PRKAR2B: variants seen among roughly 807,000 people sequenced by gnomAD.
PRKAR2B encodes the protein cAMP-dependent protein kinase type II-beta regulatory subunit.
Under a neutral mutation model 49.9 loss-of-function variants are expected in PRKAR2B, and 14 were observed. The observed-to-expected ratio is 0.28, with a 90% CI of 0.19 to 0.44. The LOEUF (loss-of-function observed/expected upper bound fraction) is 0.44, where lower values mean the gene tolerates loss of function less well. Ranked by LOEUF, PRKAR2B falls within the 20% of genes least tolerant of loss-of-function variation. PRKAR2B has a pLI of 1.00. For synonymous variants in PRKAR2B, 196 were observed against 197.7 expected, an observed-to-expected ratio of 0.99 and a Z score of 0.07; for missense variants, 393 against 537.9, an observed-to-expected ratio of 0.73 and a Z score of 2.67.
intron 1 of PRKAR2B, among the ~76,000 whole-genome samples, chr7:107,050,173 C>A (rs1005811944): frequency 1.3e-5 from 2 of 151,918 alleles, no homozygotes; most frequent in South Asian, 4.2e-4. Flanking sequence ...AGGGAGAGAG[C>A]AAGAGAGAAG....
chr7:107,079,158 G>A (rs944750254), intron 2 of PRKAR2B, among the ~76,000 whole-genome samples: 4 of 152,148 alleles, frequency 2.6e-5, no homozygotes, highest in African/African-American at 7.2e-5. Flanking sequence ...AATTACAAGC[G>A]GAGTTTAGGT....
intron 1 of PRKAR2B, among the ~76,000 whole-genome samples, chr7:107,055,742 A>T (rs994153759): frequency 5.3e-5 from 8 of 151,962 alleles, no homozygotes; most frequent in African/African-American, 1.5e-4. Context: ...GATTGCAAAA[A>T]TTTTCTCCCA....
At chr7:107,150,779 A>G (rs1248070152) in intron 6 of PRKAR2B, 143 bp from the exon 7 acceptor site, 5 of 523,610 alleles carry the variant, frequency 9.5e-6, no homozygotes, top group Non-Finnish European at 1.4e-5. Context: ...AAATAAAAAT[A>G]TGAAATGAGT....
At chr7:107,103,949 A>C (rs1795022635) in intron 2 of PRKAR2B, among the ~76,000 whole-genome samples, 1 of 152,200 alleles carries the variant, frequency 6.6e-6, no homozygotes, top group African/African-American at 2.4e-5. Context: ...AGCTTCATAG[A>C]GTGGTTTTGC....
intron 2 of PRKAR2B, among the ~76,000 whole-genome samples, chr7:107,083,514 A>T (rs1487039727): frequency 6.6e-6 from 1 of 152,082 alleles, no homozygotes; most frequent in Non-Finnish European, 1.5e-5. Context: ...TTTTCTTATT[A>T]TCTCCATTTT....
intron 2 of PRKAR2B, among the ~76,000 whole-genome samples, chr7:107,111,148 AGTG>A (rs1334733398): frequency 1.4e-4 from 21 of 152,282 alleles, no homozygotes; most frequent in African/African-American, 3.6e-4. Context: ...ATAGGTCTAT[AGTG>A]GTGGTGGCCA....
chr7:107,102,063 C>T (rs139503855), intron 2 of PRKAR2B, among the ~76,000 whole-genome samples: 34 of 151,956 alleles, frequency 2.2e-4, no homozygotes, highest in Admixed American at 1.6e-3. Context: ...AAAAATTAGC[C>T]GGGCATGGTG....
chr7:107,160,344 G>A lies in PRKAR2B; in HGVS notation c.*762G>A, dbSNP rs1035891200. The A allele has an allele frequency of 2.0e-5, 3 of 151,958 alleles. No individual in the cohort carries two copies. Among genetic ancestry groups the A allele is most frequent in the African/African-American group, 7.3e-5 (3 of 41,362 alleles). 9.4% of individuals were successfully genotyped at this position (151,958 alleles called of 1,614,324 possible). The stretch of plus-strand genomic sequence containing the variant: ...TATTTTGCAATTCTCTGTATTCTAT[G>A]TCTTTAAAAATTTGATCTTGACATT... On this transcript the variant is annotated 3_prime_UTR_variant, in exon 11 of 11. Transcript: ENST00000265717.
intron 2 of PRKAR2B, among the ~76,000 whole-genome samples, chr7:107,083,758 G>T (rs1177920676): frequency 6.6e-6 from 1 of 151,848 alleles, no homozygotes; most frequent in Non-Finnish European, 1.5e-5. Flanking sequence ...GATTACAGGC[G>T]CCCACAACCA....
chr7:107,126,087 TAA>T (rs34333619), intron 3 of PRKAR2B, among the ~76,000 whole-genome samples: 3 of 82,262 alleles, frequency 3.6e-5, no homozygotes, highest in Non-Finnish European at 4.5e-5. Flanking sequence ...GACTGTGTCT[TAA>T]AAAAAAAAAA....
At chr7:107,082,524 T>C (rs921349993) in intron 2 of PRKAR2B, among the ~76,000 whole-genome samples, 2 of 152,252 alleles carry the variant, frequency 1.3e-5, no homozygotes, top group Non-Finnish European at 2.9e-5. Context: ...TAAGCATTCA[T>C]GTTATATTAC....
rs914575091 is a variant in PRKAR2B, at chr7:107,103,563, G to A, written c.344-18389G>A. Among the ~76,000 whole-genome samples the A allele has an allele frequency of 3.9e-5, 6 of 152,322 alleles. No individual in the cohort carries two copies. In the Middle Eastern group the frequency reaches 0.01, roughly 259 times the overall value. On this transcript the variant is annotated intron_variant, in intron 2 of 10. Transcript: ENST00000265717. ...AGCCTGAGGCTGGGTCCTGGCTGCC[G>A]CAAACAGACCAGCAAACTAACCAGA... is the stretch of plus-strand genomic sequence containing the variant.
chr7:107,135,832 C>T (rs1385982145), intron 4 of PRKAR2B, among the ~76,000 whole-genome samples: 7 of 152,036 alleles, frequency 4.6e-5, no homozygotes, highest in East Asian at 3.9e-4. Context: ...TCCCAACAAA[C>T]GGATCCTAAA....
At chr7:107,074,161 G>T (rs529703535) in intron 2 of PRKAR2B, among the ~76,000 whole-genome samples, 1 of 152,150 alleles carries the variant, frequency 6.6e-6, no homozygotes, top group South Asian at 2.1e-4. Context: ...TGTTGCCCAG[G>T]CTGGAGTGCA....
chr7:107,110,615 C>A (rs1433968995), intron 2 of PRKAR2B, among the ~76,000 whole-genome samples: 1 of 151,790 alleles, frequency 6.6e-6, no homozygotes, highest in African/African-American at 2.4e-5. Context: ...AGCCACGAGG[C>A]CCTCTTCCCA....
intron 2 of PRKAR2B, among the ~76,000 whole-genome samples, chr7:107,088,250 C>T (rs1159654667): frequency 6.6e-6 from 1 of 152,092 alleles, no homozygotes; most frequent in East Asian, 1.9e-4. Flanking sequence ...AAACCTCGTT[C>T]AGGTATCCTA....
At chr7:107,089,889 G>T (rs953729346) in intron 2 of PRKAR2B, among the ~76,000 whole-genome samples, 1 of 152,130 alleles carries the variant, frequency 6.6e-6, no homozygotes, top group Non-Finnish European at 1.5e-5. Context: ...CCCATTTTGT[G>T]GTTGTAATTC....
In PRKAR2B at chr7:107,159,870, T is replaced by G. The variant is rs1796167306; in HGVS notation, c.*288T>G. The G allele has an allele frequency of 3.6e-6, 1 of 280,138 alleles. No individual in the cohort carries two copies. Among genetic ancestry groups the G allele is most frequent in the Non-Finnish European group, 6.7e-6 (1 of 149,444 alleles). The allele number at this position is 280,138 out of a possible 1,614,324, so 17.4% of individuals were successfully genotyped here. On this transcript the variant is annotated 3_prime_UTR_variant, in exon 11 of 11. Coordinates refer to ENST00000265717, the MANE Select transcript of PRKAR2B (RefSeq NM_002736.3). The stretch of plus-strand genomic sequence containing the variant: ...AAATGATTGTAATATATAGAAAGTA[T>G]CTGTGTTTAAGAAGATAATTAAAGG...
At chr7:107,108,005 A>G (rs548532076) in intron 2 of PRKAR2B, among the ~76,000 whole-genome samples, 1 of 152,116 alleles carries the variant, frequency 6.6e-6, no homozygotes, top group Non-Finnish European at 1.5e-5. Flanking sequence ...AAGTAGGGTG[A>G]CAGGATTCTC....
Sources: allele counts gnomAD v4.1 joint callset (sites outside exome capture counted in the v4.1 genomes callset), GRCh38; gene constraint gnomAD v4.1.1; transcripts MANE v1.5; gene names NCBI Gene and HGNC (gene_info 2026-07-23, HGNC 2026-07-21).